OCIAD1: variants seen among roughly 807,000 people sequenced by gnomAD.
OCIAD1 encodes OCIA domain-containing protein 1.
In OCIAD1, 29 loss-of-function variants were observed where a neutral mutation model predicts 38.9. The ratio of observed to expected loss-of-function variants is 0.74; its 90% confidence interval spans 0.55 to 1.02. OCIAD1 has a LOEUF of 1.02. Ranked by LOEUF, OCIAD1 falls within the 50% of genes least tolerant of loss-of-function variation. The pLI, the probability that OCIAD1 is intolerant of heterozygous loss-of-function variation, is 0.00. For missense variants in OCIAD1, 288 were observed against 289.6 expected, an observed-to-expected ratio of 0.99 and a Z score of 0.04; for synonymous variants, 110 against 92.0, an observed-to-expected ratio of 1.20 and a Z score of -1.12.
chr4:48,851,226 C>CT (rs2109589522), intron 6 of OCIAD1, among the ~76,000 whole-genome samples: 1 of 152,310 alleles, frequency 6.6e-6, no homozygotes, highest in East Asian at 1.9e-4. Context: ...TTTCCAAGAA[C>CT]TTTCAAACAT....
chr4:48,845,581 A>G (rs1778909987), intron 4 of OCIAD1, among the ~76,000 whole-genome samples: 1 of 152,164 alleles, frequency 6.6e-6, no homozygotes, highest in Non-Finnish European at 1.5e-5. Flanking sequence ...TGGTGCTTAC[A>G]TTCTTGTATG....
rs772034102 is a variant in OCIAD1 at position 48,842,701 on chromosome 4, A to C, written c.193+12A>C. On this transcript the variant is annotated intron_variant, in intron 4 of 8. Transcript: ENST00000264312. ...ATTAATTAGTAAAGGTAAATATTTA[A>C]AATTTGAATTTATTTAGCATTTTGG... The C allele has an allele frequency of 9.8e-6, 14 of 1,432,082 alleles. No homozygotes were observed. Among genetic ancestry groups the C allele is most frequent in the Non-Finnish European group, 1.2e-5 (13 of 1,046,130 alleles). The allele number at this position is 1,432,082 out of a possible 1,614,324, so 88.7% of individuals were successfully genotyped here. A position where few individuals can be genotyped will look rare whatever the true frequency, so the allele number is the denominator to read the frequency against.
At chr4:48,828,667 G>A (rs1054925848), upstream of OCIAD1, among the ~76,000 whole-genome samples, 1 of 152,128 alleles carries the variant, frequency 6.6e-6, no homozygotes, top group African/African-American at 2.4e-5. Context: ...CGCCTTAAGA[G>A]CTGTAACACT....
At chr4:48,812,889 A>C (rs1408511021) in intron 1 of OCIAD1, among the ~76,000 whole-genome samples, 3 of 152,228 alleles carry the variant, frequency 2.0e-5, no homozygotes, top group Admixed American at 2.0e-4. Context: ...AGAGAAACCA[A>C]GGATGGGAGA....
chr4:48,826,298 C>T (rs1158984658), upstream of OCIAD1, among the ~76,000 whole-genome samples: 1 of 152,090 alleles, frequency 6.6e-6, no homozygotes, highest in East Asian at 1.9e-4. Flanking sequence ...TGCGATCCCT[C>T]CTCCCTCCCC....
Position 48,821,212 on chromosome 4 carries a change from C to T in OCIAD1, c.-102-9365C>T, listed in dbSNP as rs538094306. ...AAAATCTTATCCACCACGATCAAGTCGACTTTATGCCTGGGATGCAAGGCT... is the reference window on the plus strand; with the variant it reads ...AAAATCTTATCCACCACGATCAAGTTGACTTTATGCCTGGGATGCAAGGCT... On this transcript the variant is annotated intron_variant, in intron 1 of 6. Transcript: ENST00000504654. 3.9e-5 allele frequency among the ~76,000 whole-genome samples: 6 copies of T among 152,220 alleles called. No individual in the cohort carries two copies. The South Asian group carries it at 8.3e-4, about 21-fold the overall frequency.
upstream of OCIAD1, among the ~76,000 whole-genome samples, chr4:48,826,707 T>TA (rs1777255710): frequency 6.6e-6 from 1 of 152,204 alleles, no homozygotes; most frequent in South Asian, 2.1e-4. Flanking sequence ...TTATGTCAAT[T>TA]AAAAATCATA....
intron 1 of OCIAD1, among the ~76,000 whole-genome samples, chr4:48,811,770 T>C (rs1777090805): frequency 6.6e-6 from 1 of 152,160 alleles, no homozygotes; most frequent in African/African-American, 2.4e-5. Context: ...GAGTCAAGGA[T>C]GCCTCCACAG....
chr4:48,841,959 C>T (rs578161735), intron 3 of OCIAD1, among the ~76,000 whole-genome samples: 1 of 152,268 alleles, frequency 6.6e-6, no homozygotes, highest in South Asian at 2.1e-4. Flanking sequence ...TTGCCCCAGC[C>T]ACCGTATGAT....
chr4:48,826,534 C>T (rs1360835053), upstream of OCIAD1, among the ~76,000 whole-genome samples: 1 of 151,998 alleles, frequency 6.6e-6, no homozygotes, highest in East Asian at 1.9e-4. Context: ...ATTTTCAATT[C>T]TTCTCTTTAG....
intron 8 of OCIAD1, 21 bp from the exon 9 acceptor site, chr4:48,860,703 AT>A (rs1357094088): frequency 6.5e-7 from 1 of 1,541,258 alleles, no homozygotes; most frequent in South Asian, 1.1e-5. Flanking sequence ...GGAATCATCA[AT>A]TATTTATGCT....
At chr4:48,808,498 A>G (rs1483258526) in intron 1 of OCIAD1, among the ~76,000 whole-genome samples, 1 of 151,894 alleles carries the variant, frequency 6.6e-6, no homozygotes, top group Non-Finnish European at 1.5e-5. Context: ...GAAAAAAAAA[A>G]GGAAAAAGAT....
At chr4:48,812,282 CAAAAAAAAAAAAAAAA>C (rs397881494) in intron 1 of OCIAD1, among the ~76,000 whole-genome samples, 11 of 25,076 alleles carry the variant, frequency 4.4e-4, no homozygotes, top group South Asian at 8.3e-3. Context: ...GAGTTGGTCT[CAAAAAAAAAAAAAAAA>C]AAAAAAAAAA....
intron 1 of OCIAD1, among the ~76,000 whole-genome samples, chr4:48,810,185 C>G (rs549260146): frequency 6.6e-6 from 1 of 152,116 alleles, no homozygotes; most frequent in South Asian, 2.1e-4. Context: ...TTTTTAGGAA[C>G]TCGGTGTGTG....
At chr4:48,854,843 C>T (rs935256262) in intron 7 of OCIAD1, among the ~76,000 whole-genome samples, 6 of 152,204 alleles carry the variant, frequency 3.9e-5, no homozygotes, top group African/African-American at 1.4e-4. Flanking sequence ...GTTCTGCTTT[C>T]TTTTACCAGG....
chr4:48,809,830 TTCCTCTAATA>T (rs1560405804), intron 1 of OCIAD1, among the ~76,000 whole-genome samples: 1 of 152,222 alleles, frequency 6.6e-6, no homozygotes, highest in African/African-American at 2.4e-5. Flanking sequence ...CTGCTATGTT[TTCCTCTAATA>T]ACCTAGGCTC....
chr4:48,832,207 T>C (rs1777567537), intron 1 of OCIAD1, among the ~76,000 whole-genome samples: 1 of 152,206 alleles, frequency 6.6e-6, no homozygotes, highest in Admixed American at 6.5e-5. Context: ...AGCTCAGAAA[T>C]GACTTGAAAT....
At chr4:48,846,979 A>T (rs1358901342) in intron 4 of OCIAD1, among the ~76,000 whole-genome samples, 1 of 151,634 alleles carries the variant, frequency 6.6e-6, no homozygotes, top group African/African-American at 2.4e-5. Flanking sequence ...TTTTGCCAAG[A>T]ATATGGTGCC....
rs1579050879 is a variant in OCIAD1 at position 48,833,403 on chromosome 4, A to G, written c.61A>G (p.Ile21Val). Residue 21 changes from isoleucine to valine, a missense_variant and splice_region_variant, in exon 3 of 9, where the codon ATA (isoleucine) becomes GTA (valine). Physicochemically the swap from Ile to Val is conservative, Grantham distance 29. Coordinates refer to ENST00000264312, the MANE Select transcript of OCIAD1 (RefSeq NM_017830.4). ...TTCTGATTTTCCCTGGTAAAAAGAC[A>G]TAGGGCCTGATTACATTCCAACAGA... ...NAEVPRPIPHIGPDYIPTEEE... is the reference protein window; with the variant it reads ...NAEVPRPIPHVGPDYIPTEEE... 6.4e-7 allele frequency: 1 copy of G among 1,571,140 alleles called. No homozygotes were observed. Among genetic ancestry groups the G allele is most frequent in the Non-Finnish European group, 8.7e-7 (1 of 1,144,728 alleles).
Sources: allele counts gnomAD v4.1 joint callset (sites outside exome capture counted in the v4.1 genomes callset), GRCh38; gene constraint gnomAD v4.1.1; transcripts MANE v1.5; gene names NCBI Gene and HGNC (gene_info 2026-07-23, HGNC 2026-07-21).